The following SLC39A9 variants were observed in gnomAD, a reference collection of about 807,000 sequenced individuals.
SLC39A9 encodes the protein solute carrier family 39 member 9.
A neutral mutation model predicts 28.4 loss-of-function variants in SLC39A9; 14 were observed. The ratio of observed to expected loss-of-function variants is 0.49; its 90% confidence interval spans 0.33 to 0.77. SLC39A9 has a LOEUF of 0.77. Among genes scored for constraint, SLC39A9 ranks in the 30% least tolerant of loss-of-function variants. The pLI is 0.02. For synonymous variants in SLC39A9, 119 were observed against 149.6 expected (o/e 0.80, Z 1.49); for missense variants, 283 against 381.1 (o/e 0.74, Z 2.14).
intron 1 of SLC39A9, among the ~76,000 whole-genome samples, chr14:69,403,157 T>C (rs1241798420): frequency 6.7e-6 from 1 of 149,066 alleles, no homozygotes; most frequent in Admixed American, 6.6e-5. Flanking sequence ...AAGGAAGCCC[T>C]GTTTGGTAAG....
At chr14:69,438,921 G>A (rs1015044953) in intron 2 of SLC39A9, among the ~76,000 whole-genome samples, 26 of 152,138 alleles carry the variant, frequency 1.7e-4, no homozygotes, top group African/African-American at 6.0e-4. Context: ...AAAATATAGG[G>A]GGCCCTAGCC....
rs1886069217 is a variant in SLC39A9, at chr14:69,460,555, TTTG to T, written c.*1963_*1965del. ...ATAAATAGCAGATTGTAGTGTCTGG[TTTG>T]GTTTGGACAGTAGTGCTTTCTATCA... On this transcript the variant is annotated 3_prime_UTR_variant, in exon 7 of 7. Coordinates refer to ENST00000336643, the MANE Select transcript of SLC39A9 (RefSeq NM_018375.5). 10 of 985,330 alleles carry T rather than the reference TTTG, an allele frequency of 1.0e-5. No individual in the cohort carries two copies. The highest frequency in any genetic ancestry group is 1.2e-5 in the Non-Finnish European group (10 of 829,928). The allele number at this position is 985,330 out of a possible 1,614,324, so 61.0% of individuals were successfully genotyped here. A position where few individuals can be genotyped will look rare whatever the true frequency, so the allele number is the denominator to read the frequency against.
At chr14:69,403,961 T>G (rs2140244825) in intron 1 of SLC39A9, among the ~76,000 whole-genome samples, 1 of 152,346 alleles carries the variant, frequency 6.6e-6, no homozygotes, top group East Asian at 1.9e-4. Flanking sequence ...GAGAATCGCT[T>G]GAACCTGGGA....
rs1882452476 is a variant in SLC39A9, at chr14:69,398,776, C to T, written c.-594C>T. The T allele has an allele frequency of 5.0e-6, 1 of 200,684 alleles. No homozygotes were observed. The highest frequency in any genetic ancestry group is 1.0e-5 in the Non-Finnish European group (1 of 96,836). The allele number at this position is 200,684 out of a possible 1,614,324, so 12.4% of individuals were successfully genotyped here. ...CGGTCGAGTGCAGTACCATGGGCAG[C>T]ACCGGGTATAGGGCAGAGACAGCTT... On this transcript the variant is annotated 5_prime_UTR_variant, in exon 1 of 7. Coordinates refer to ENST00000336643, the MANE Select transcript of SLC39A9 (RefSeq NM_018375.5).
At chr14:69,428,988 A>G (rs1050723689) in intron 2 of SLC39A9, 5 of 152,322 alleles carry the variant, frequency 3.3e-5, no homozygotes, top group Non-Finnish European at 4.4e-5. Flanking sequence ...TGCTCTCATC[A>G]GACAAGGGCA....
Position 69,461,846 on chromosome 14 carries a change from C to CT in SLC39A9, c.*3254dup. On this transcript the variant is annotated 3_prime_UTR_variant, in exon 7 of 7. Transcript: ENST00000336643. ...GTGGGCCCCTGAGCCCCTTGGGAGA[C>CT]TGAGAATCATGACCAGATTCATCCA... is the stretch of plus-strand genomic sequence containing the variant. The CT allele has an allele frequency of 1.7e-6, 2 of 1,145,972 alleles. No homozygotes were observed. Among genetic ancestry groups the CT allele is most frequent in the Non-Finnish European group, 2.4e-6 (2 of 824,064 alleles). 71.0% of individuals were successfully genotyped at this position (1,145,972 alleles called of 1,614,324 possible).
chr14:69,441,837 G>C (rs1034515975), intron 2 of SLC39A9: 9 of 1,254,394 alleles, frequency 7.2e-6, no homozygotes, highest in Admixed American at 4.0e-5. Context: ...CCCAGGTGTT[G>C]AGAATAATAG....
intron 2 of SLC39A9, among the ~76,000 whole-genome samples, chr14:69,435,622 C>T (rs973294370): frequency 2.0e-5 from 3 of 152,250 alleles, no homozygotes; most frequent in Non-Finnish European, 2.9e-5. Context: ...CTTCTTACCT[C>T]GGCCATTGTA....
chr14:69,437,612 C>T (rs1208362945), intron 2 of SLC39A9, among the ~76,000 whole-genome samples: 8 of 148,402 alleles, frequency 5.4e-5, no homozygotes, highest in Admixed American at 2.7e-4. Context: ...TTTTTTGAGA[C>T]GGAGTCTCAC....
intron 2 of SLC39A9, among the ~76,000 whole-genome samples, chr14:69,435,860 A>G (rs1884719680): frequency 6.6e-6 from 1 of 152,042 alleles, no homozygotes; most frequent in African/African-American, 2.4e-5. Context: ...TTTAGTAGAG[A>G]CAGGATTTCA....
At chr14:69,430,272 C>G (rs183966785) in intron 2 of SLC39A9, among the ~76,000 whole-genome samples, 52 of 152,222 alleles carry the variant, frequency 3.4e-4, no homozygotes, top group Non-Finnish European at 6.3e-4. Flanking sequence ...TTGCTGAGCC[C>G]GAATTCACAA....
chr14:69,461,321 C>T lies in SLC39A9; in HGVS notation c.*2728C>T. 9.4e-7 allele frequency: 1 copy of T among 1,062,476 alleles called. No individual in the cohort carries two copies. Among genetic ancestry groups the T allele is most frequent in the Non-Finnish European group, 1.1e-6 (1 of 875,028 alleles). 65.8% of individuals were successfully genotyped at this position (1,062,476 alleles called of 1,614,324 possible). A position where few individuals can be genotyped will look rare whatever the true frequency, so the allele number is the denominator to read the frequency against. On this transcript the variant is annotated 3_prime_UTR_variant, in exon 7 of 7. Transcript: ENST00000336643. The stretch of plus-strand genomic sequence containing the variant: ...AAGAATACTACTGCTCCATTCCCCT[C>T]ACTTATTCTCCAGTTAATTGCTTGT...
rs1886102368 is a variant in SLC39A9, at chr14:69,461,322, A to G, written c.*2729A>G. On this transcript the variant is annotated 3_prime_UTR_variant, in exon 7 of 7. Transcript: ENST00000336643. The stretch of plus-strand genomic sequence containing the variant: ...AGAATACTACTGCTCCATTCCCCTC[A>G]CTTATTCTCCAGTTAATTGCTTGTC... The G allele has an allele frequency of 9.4e-7, 1 of 1,063,330 alleles. No individual in the cohort carries two copies. Among genetic ancestry groups the G allele is most frequent in the African/African-American group, 1.7e-5 (1 of 60,370 alleles). The allele number at this position is 1,063,330 out of a possible 1,614,324, so 65.9% of individuals were successfully genotyped here.
intron 1 of SLC39A9, among the ~76,000 whole-genome samples, chr14:69,407,948 C>T (rs902927296): frequency 1.3e-5 from 2 of 151,822 alleles, no homozygotes; most frequent in Admixed American, 6.6e-5. Context: ...ATATTCTTTA[C>T]GGTTCTCTCT....
Position 69,458,531 on chromosome 14 carries a change from G to T in SLC39A9, c.862G>T (p.Val288Leu). 1 of 1,614,214 alleles carries T rather than the reference G, an allele frequency of 6.2e-7. No individual in the cohort carries two copies. Among genetic ancestry groups the T allele is most frequent in the Non-Finnish European group, 8.5e-7 (1 of 1,180,022 alleles). ...AGGGAGAGGCCTCAGCCGCCTGGAA[G>T]TGGCAGCCCTGGTTCTGGGTTGCCT... ...TGGRGLSRLE[V>L]AALVLGCLIP... Residue 288 changes from valine to leucine, a missense_variant, in exon 7 of 7, where the codon GTG becomes TTG. Transcript: ENST00000336643.
chr14:69,436,173 G>C (rs536759559), intron 2 of SLC39A9, among the ~76,000 whole-genome samples: 24 of 152,178 alleles, frequency 1.6e-4, no homozygotes, highest in African/African-American at 3.6e-4. Flanking sequence ...AAGCTCAGGT[G>C]GGGGAGGATC....
At chr14:69,427,790 C>T (rs1240392604) in intron 2 of SLC39A9, among the ~76,000 whole-genome samples, 1 of 152,156 alleles carries the variant, frequency 6.6e-6, no homozygotes, top group Non-Finnish European at 1.5e-5. Flanking sequence ...CTTTTTTGCA[C>T]TAAAATGAAC....
chr14:69,423,978 A>G (rs1884044478), intron 1 of SLC39A9, 116 bp from the exon 2 acceptor site: 5 of 650,500 alleles, frequency 7.7e-6, no homozygotes, highest in Non-Finnish European at 1.4e-5. Context: ...TTCGCTGTCT[A>G]TTGTAGATGT....
intron 2 of SLC39A9, chr14:69,428,629 A>C (rs565882250): frequency 3.9e-5 from 6 of 152,770 alleles, no homozygotes; most frequent in African/African-American, 1.4e-4. Flanking sequence ...ATGGGACCCA[A>C]GTGGGATCAA....
Sources: gnomAD v4.1 joint callset for allele counts (sites outside exome capture counted in the v4.1 genomes callset) on GRCh38, gnomAD v4.1.1 for gene constraint, MANE v1.5 for transcripts, NCBI Gene and HGNC (gene_info 2026-07-23, HGNC 2026-07-21) for gene names.